Variants in BCAR3 observed in about 807,000 individuals in gnomAD.
The protein encoded by BCAR3 is breast cancer anti-estrogen resistance protein 3.
In BCAR3, 37 loss-of-function variants were observed where a neutral mutation model predicts 80.1. The observed-to-expected ratio is 0.46, with a 90% CI of 0.36 to 0.61. The LOEUF (loss-of-function observed/expected upper bound fraction) is 0.61. Ranked by LOEUF, BCAR3 falls within the 20% of genes least tolerant of loss-of-function variation. The pLI, the probability that BCAR3 is intolerant of heterozygous loss-of-function variation, is 0.00. For missense variants in BCAR3, 978 were observed against 1,068.2 expected (o/e 0.92, Z 1.18); for synonymous variants, 389 against 418.9 (o/e 0.93, Z 0.87).
rs531392368 is a variant in BCAR3, at chr1:93,802,309, T to G, written c.-63+43258A>C. Among the ~76,000 whole-genome samples, 390 of 130,262 alleles carry G rather than the reference T, an allele frequency of 3.0e-3. 1 individual carries two copies. The highest frequency in any genetic ancestry group is 0.015 in the African/African-American group (367 of 24,794). 85.5% of individuals were successfully genotyped at this position (130,262 alleles called of 152,430 possible). A position where few individuals can be genotyped will look rare whatever the true frequency, so the allele number is the denominator to read the frequency against. ...TGGGCAGCTGAGTCAGATCTCAACT[T>G]TAAAAGAAAAAAAAAAAAGAAAATT... On this transcript the variant is annotated intron_variant, in intron 2 of 13. Coordinates refer to the BCAR3 transcript ENST00000370244.
intron 2 of BCAR3, among the ~76,000 whole-genome samples, chr1:93,765,214 A>G (rs759242516): frequency 5.3e-5 from 8 of 152,232 alleles, no homozygotes; most frequent in South Asian, 2.1e-4. Flanking sequence ...TGCTGTGTAC[A>G]ATAACCACTC....
intron 2 of BCAR3, among the ~76,000 whole-genome samples, chr1:93,724,551 G>A (rs1243459560): frequency 6.6e-6 from 1 of 152,194 alleles, no homozygotes; most frequent in East Asian, 1.9e-4. Flanking sequence ...TGCAGAAAAT[G>A]CCTGCTTCCT....
intron 2 of BCAR3, among the ~76,000 whole-genome samples, chr1:93,784,143 A>G (rs763972141): frequency 6.6e-6 from 1 of 151,308 alleles, no homozygotes; most frequent in Non-Finnish European, 1.5e-5. Flanking sequence ...CTGATGCTAT[A>G]TGAAGTGGTG....
chr1:93,692,472 T>C (rs1649229126), intron 3 of BCAR3, among the ~76,000 whole-genome samples: 1 of 152,168 alleles, frequency 6.6e-6, no homozygotes, highest in Non-Finnish European at 1.5e-5. Context: ...AAGGTTCTGA[T>C]GGGGGAAACA....
intron 2 of BCAR3, among the ~76,000 whole-genome samples, chr1:93,781,222 C>T (rs6684128): frequency 0.1 from 15,178 of 152,254 alleles, 971 homozygotes; most frequent in East Asian, 0.19. Flanking sequence ...ACTCTATGGA[C>T]ACTGAAATTT....
intron 11 of BCAR3, among the ~76,000 whole-genome samples, chr1:93,565,482 G>C (rs1672905932): frequency 6.6e-6 from 1 of 152,142 alleles, no homozygotes; most frequent in African/African-American, 2.4e-5. Context: ...TACAGCAATG[G>C]GTACTTGCTG....
At chr1:93,604,403 AC>A (rs1674715114) in intron 3 of BCAR3, among the ~76,000 whole-genome samples, 1 of 152,194 alleles carries the variant, frequency 6.6e-6, no homozygotes, top group Non-Finnish European at 1.5e-5. Flanking sequence ...TATCTGTAGA[AC>A]CCCTTGCTTA....
chr1:93,596,805 G>T (rs1367759868), intron 3 of BCAR3, among the ~76,000 whole-genome samples: 2 of 152,166 alleles, frequency 1.3e-5, no homozygotes, highest in African/African-American at 2.4e-5. Flanking sequence ...GGGGAAGGAG[G>T]TGGCAGCAGA....
intron 2 of BCAR3, among the ~76,000 whole-genome samples, chr1:93,711,657 G>T (rs1650026153): frequency 6.6e-6 from 1 of 152,314 alleles, no homozygotes; most frequent in African/African-American, 2.4e-5. Flanking sequence ...TGTAAACACA[G>T]CACACCAGAG....
intron 3 of BCAR3, among the ~76,000 whole-genome samples, chr1:93,688,333 T>C (rs1394109252): frequency 6.6e-6 from 1 of 152,202 alleles, no homozygotes. Flanking sequence ...TTGTCTATAT[T>C]TGAACCACCC....
chr1:93,641,025 G>A (rs1347635523), intron 3 of BCAR3, among the ~76,000 whole-genome samples: 1 of 152,202 alleles, frequency 6.6e-6, no homozygotes, highest in Non-Finnish European at 1.5e-5. Flanking sequence ...CACAAAACAT[G>A]TGATGCATCC....
intron 3 of BCAR3, among the ~76,000 whole-genome samples, chr1:93,628,825 TCAC>T (rs977968130): frequency 2.6e-4 from 39 of 152,312 alleles, no homozygotes; most frequent in African/African-American, 9.1e-4. Context: ...ATTGTTTTGT[TCAC>T]TGCTGTATCC....
At chr1:93,578,152 C>T (rs1673532722) in intron 7 of BCAR3, among the ~76,000 whole-genome samples, 1 of 152,232 alleles carries the variant, frequency 6.6e-6, no homozygotes, top group Non-Finnish European at 1.5e-5. Context: ...CATCTCTGGA[C>T]TCCACCCTCT....
intron 2 of BCAR3, among the ~76,000 whole-genome samples, chr1:93,668,133 G>A (rs373340189): frequency 3.3e-5 from 5 of 152,280 alleles, no homozygotes; most frequent in South Asian, 2.1e-4. Flanking sequence ...CTGTCCTGGG[G>A]TGGGAGTGAG....
chr1:93,776,240 A>C (rs717912), intron 2 of BCAR3, among the ~76,000 whole-genome samples: 17,821 of 152,172 alleles, frequency 0.12, 1,468 homozygotes, highest in African/African-American at 0.22. Flanking sequence ...ATTTTATAGG[A>C]TAGAAAATGT....
At chr1:93,775,826 A>G (rs1372417820) in intron 2 of BCAR3, among the ~76,000 whole-genome samples, 1 of 152,220 alleles carries the variant, frequency 6.6e-6, no homozygotes, top group African/African-American at 2.4e-5. Flanking sequence ...GCTTAGAAAA[A>G]TGTCTGGAGC....
At chr1:93,781,774 T>G (rs984863023) in intron 2 of BCAR3, among the ~76,000 whole-genome samples, 33 of 152,278 alleles carry the variant, frequency 2.2e-4, no homozygotes, top group African/African-American at 7.7e-4. Context: ...CTTCCTGCTG[T>G]TTGGGTTTTT....
At chr1:93,611,430 T>C (rs1339553842) in intron 3 of BCAR3, among the ~76,000 whole-genome samples, 1 of 152,224 alleles carries the variant, frequency 6.6e-6, no homozygotes, top group African/African-American at 2.4e-5. Flanking sequence ...TACAAGTTTC[T>C]TTCCACTGGG....
chr1:93,634,348 C>T (rs377684026), intron 3 of BCAR3, among the ~76,000 whole-genome samples: 8 of 152,100 alleles, frequency 5.3e-5, no homozygotes, highest in African/African-American at 1.9e-4. Context: ...AGGTCTTTCC[C>T]ATGCTGTTCT....
Sources: allele counts gnomAD v4.1 joint callset (sites outside exome capture counted in the v4.1 genomes callset), GRCh38; gene constraint gnomAD v4.1.1; transcripts MANE v1.5; gene names NCBI Gene and HGNC (gene_info 2026-07-23, HGNC 2026-07-21).